The following ROPN1 variants were observed in gnomAD, a reference collection of about 807,000 sequenced individuals.
The protein encoded by ROPN1 is ropporin-1A.
ROPN1 carries 14 observed loss-of-function variants against 20.5 expected under a neutral mutation model. That is an observed-to-expected ratio of 0.68 (90% CI 0.45 to 1.07). The LOEUF is 1.07. ROPN1 is among the 50% of genes least tolerant of loss of function. The pLI, the probability that ROPN1 is intolerant of heterozygous loss-of-function variation, is 0.00. For missense variants in ROPN1, 169 were observed against 242.8 expected (o/e 0.70, Z 2.02); for synonymous variants, 76 against 95.7 (o/e 0.79, Z 1.20).
At chr3:123,989,091 G>A (rs1407522151) in intron 1 of ROPN1, among the ~76,000 whole-genome samples, 1 of 152,162 alleles carries the variant, frequency 6.6e-6, no homozygotes, top group Non-Finnish European at 1.5e-5. Flanking sequence ...GTACAGGGCA[G>A]GTATTCAGTA....
intron 5 of ROPN1, 149 bp downstream of exon 5, chr3:123,969,893 C>T (rs948276629): frequency 1.4e-5 from 11 of 765,530 alleles, no homozygotes; most frequent in Non-Finnish European, 1.8e-5. Context: ...CCTTCCCTTT[C>T]CCGTTTTCTT....
chr3:123,969,888 C>T (rs1255667467), intron 5 of ROPN1, among the ~76,000 whole-genome samples, 154 bp downstream of exon 5: 4 of 152,270 alleles, frequency 2.6e-5, no homozygotes, highest in East Asian at 1.9e-4. Context: ...CTTCTCCTTC[C>T]CTTTCCCGTT....
chr3:123,976,542 T>C (rs552043561), intron 3 of ROPN1, among the ~76,000 whole-genome samples: 4 of 152,302 alleles, frequency 2.6e-5, no homozygotes, highest in African/African-American at 9.6e-5. Context: ...ATTACAGTCT[T>C]GATCAGTAAG....
In ROPN1 at chr3:123,986,018, A is replaced by AAAAAAAAAT. The variant is rs201340337; in HGVS notation, c.-12-5526_-12-5525insATTTTTTTT. Among the ~76,000 whole-genome samples the AAAAAAAAAT allele has an allele frequency of 6.5e-3, 613 of 93,952 alleles. 152 individuals are homozygous for AAAAAAAAAT. Among genetic ancestry groups the AAAAAAAAAT allele is most frequent in the South Asian group, 0.038 (95 of 2,492 alleles). 61.6% of individuals were successfully genotyped at this position (93,952 alleles called of 152,430 possible). A position where few individuals can be genotyped will look rare whatever the true frequency, so the allele number is the denominator to read the frequency against. On this transcript the variant is annotated intron_variant, in intron 1 of 5. Transcript: ENST00000405845. ...AAAAAAAAAAAAAAAAAAAAAAAAA[A>AAAAAAAAAT]TCAAAATATTTAAATTATACTTGAA...
chr3:123,974,661 C>T (rs2037981736), intron 4 of ROPN1: 1 of 152,786 alleles, frequency 6.5e-6, no homozygotes, highest in African/African-American at 2.4e-5. Context: ...GTATGTATCT[C>T]AGGGATTCTT....
intron 3 of ROPN1, among the ~76,000 whole-genome samples, chr3:123,975,921 G>A (rs1276385259): frequency 6.6e-6 from 1 of 152,118 alleles, no homozygotes; most frequent in Non-Finnish European, 1.5e-5. Flanking sequence ...GACCACTAAT[G>A]AATGGTAAAA....
chr3:123,974,872 C>T (rs1053419107), intron 4 of ROPN1: 2 of 179,564 alleles, frequency 1.1e-5, no homozygotes, highest in African/African-American at 4.8e-5. Context: ...GAACATCCTG[C>T]ATCCATGGAG....
chr3:123,985,992 CAAAAAA>C (rs35677015), intron 1 of ROPN1, among the ~76,000 whole-genome samples: 6 of 22,136 alleles, frequency 2.7e-4, no homozygotes, highest in East Asian at 7.7e-3. Flanking sequence ...GACCTTGTCT[CAAAAAA>C]AAAAAAAAAA....
intron 4 of ROPN1, chr3:123,975,166 TGACCACA>T: frequency 1.7e-6 from 1 of 580,610 alleles, no homozygotes; most frequent in Admixed American, 3.1e-5. Context: ...CCCCAGAGCC[TGACCACA>T]GTGTTTCCCT....
intron 1 of ROPN1, among the ~76,000 whole-genome samples, chr3:123,989,314 T>C (rs1159031891): frequency 1.3e-5 from 2 of 152,188 alleles, no homozygotes; most frequent in African/African-American, 2.4e-5. Context: ...GGGGAACCAC[T>C]AGAAAATTTA....
At position 123,969,080 on chromosome 3, in the gene ROPN1, G is replaced by A; in HGVS notation, c.*75C>T. The A allele has an allele frequency of 8.6e-7, 1 of 1,167,516 alleles. No homozygotes were observed. The highest frequency in any genetic ancestry group is 1.2e-5 in the South Asian group (1 of 81,452). The allele number at this position is 1,167,516 out of a possible 1,614,324, so 72.3% of individuals were successfully genotyped here. ...AGTTGTACAAGAAAATTGATTTTGGGTGGTATATGGGTTTCAGTCATTCTG... is the reference window on the plus strand; with the variant it reads ...AGTTGTACAAGAAAATTGATTTTGGATGGTATATGGGTTTCAGTCATTCTG... On this transcript the variant is annotated 3_prime_UTR_variant, in exon 6 of 6. Coordinates refer to ENST00000405845, the MANE Select transcript of ROPN1 (RefSeq NM_001317774.2).
At chr3:123,985,342 T>C (rs1276687495) in intron 1 of ROPN1, among the ~76,000 whole-genome samples, 1 of 152,260 alleles carries the variant, frequency 6.6e-6, no homozygotes, top group Non-Finnish European at 1.5e-5. Context: ...TCAGTGACAA[T>C]GATAATCTTT....
At chr3:123,977,176 T>C (rs1235983245) in intron 2 of ROPN1, among the ~76,000 whole-genome samples, 195 bp from the exon 3 acceptor site, 7 of 152,184 alleles carry the variant, frequency 4.6e-5, no homozygotes, top group Admixed American at 1.3e-4. Context: ...ACTTAGGGCA[T>C]AGAGAATGCT....
At chr3:123,981,950 G>A (rs2038157640) in intron 1 of ROPN1, among the ~76,000 whole-genome samples, 1 of 152,044 alleles carries the variant, frequency 6.6e-6, no homozygotes, top group Non-Finnish European at 1.5e-5. Flanking sequence ...AGGCAAGAAA[G>A]GAGGGGTAAA....
At chr3:123,990,392 CTGGGTG>C (rs2038379108) in intron 1 of ROPN1, among the ~76,000 whole-genome samples, 2 of 151,968 alleles carry the variant, frequency 1.3e-5, no homozygotes, top group African/African-American at 4.8e-5. Context: ...GCTTGGATGA[CTGGGTG>C]CACAGTGGTG....
rs1418549785 is a variant in ROPN1 at position 123,970,882 on chromosome 3, C to T, written c.397-665G>A. Among the ~76,000 whole-genome samples the T allele has an allele frequency of 3.9e-5, 6 of 152,276 alleles. No homozygotes were observed. The East Asian group carries it at 9.6e-4, about 24-fold the overall frequency. On this transcript the variant is annotated intron_variant, in intron 4 of 5. Coordinates refer to ENST00000405845, the MANE Select transcript of ROPN1 (RefSeq NM_001317774.2). ...AGGAATTTTAATAGAAGGGTTACTA[C>T]AGAAGCAAACCCTCCTTGCAATGAA...
chr3:123,988,955 T>C (rs1453011460), intron 1 of ROPN1, among the ~76,000 whole-genome samples: 1 of 151,998 alleles, frequency 6.6e-6, no homozygotes, highest in African/African-American at 2.4e-5. Flanking sequence ...ATCTAACATC[T>C]GCAGGTATTA....
chr3:123,976,663 C>G (rs567716445), intron 3 of ROPN1, among the ~76,000 whole-genome samples: 3 of 152,332 alleles, frequency 2.0e-5, no homozygotes, highest in Admixed American at 1.3e-4. Flanking sequence ...GATGACCCCA[C>G]CAATGACTCA....
At chr3:123,981,434 G>T (rs1329820917) in intron 1 of ROPN1, 2 of 153,634 alleles carry the variant, frequency 1.3e-5, no homozygotes, top group African/African-American at 4.8e-5. Flanking sequence ...GCTAGGCAGG[G>T]TGGATAGAGA....
Sources: gnomAD v4.1 joint callset for allele counts (sites outside exome capture counted in the v4.1 genomes callset) on GRCh38, gnomAD v4.1.1 for gene constraint, MANE v1.5 for transcripts, NCBI Gene and HGNC (gene_info 2026-07-23, HGNC 2026-07-21) for gene names.